Variants in DOT1L observed in about 807,000 individuals in gnomAD.
DOT1L encodes histone-lysine N-methyltransferase, H3 lysine-79 specific.
DOT1L carries 33 observed loss-of-function variants against 153.3 expected under a neutral mutation model. The ratio of observed to expected loss-of-function variants is 0.22; its 90% CI spans 0.16 to 0.29. The LOEUF (loss-of-function observed/expected upper bound fraction) is 0.29, where lower values mean the gene tolerates loss of function less well. DOT1L is among the 10% of genes least tolerant of loss of function. The pLI is 1.00. For synonymous variants in DOT1L, 1,135 were observed against 965.1 expected (o/e 1.18, Z -3.26); for missense variants, 1,847 against 2,119.9 (o/e 0.87, Z 2.53).
chr19:2,165,843 G>A (rs12610645), intron 1 of DOT1L, among the ~76,000 whole-genome samples: 69,668 of 149,690 alleles, frequency 0.47, 16,216 homozygotes, highest in African/African-American at 0.48. Flanking sequence ...ATCTCGGCTC[G>A]CTGCAAGCTC....
chr19:2,218,917 G>A (rs1351751206), intron 22 of DOT1L, among the ~76,000 whole-genome samples: 1 of 152,030 alleles, frequency 6.6e-6, no homozygotes, highest in Non-Finnish European at 1.5e-5. Context: ...AGGCTGGAGG[G>A]CAGTGGCACG....
At chr19:2,212,774 G>A (rs2023760055) in intron 16 of DOT1L, 1 of 152,276 alleles carries the variant, frequency 6.6e-6, no homozygotes, top group African/African-American at 2.4e-5. Flanking sequence ...AAGGCAGTTT[G>A]TCCTGGAAAT....
chr19:2,168,563 T>C (rs1342926511), intron 1 of DOT1L, among the ~76,000 whole-genome samples: 1 of 152,146 alleles, frequency 6.6e-6, no homozygotes, highest in Non-Finnish European at 1.5e-5. Context: ...GAGATTTTTA[T>C]TCTTACATGA....
intron 1 of DOT1L, among the ~76,000 whole-genome samples, chr19:2,166,684 T>C (rs1478512758): frequency 6.6e-6 from 1 of 152,248 alleles, no homozygotes; most frequent in Non-Finnish European, 1.5e-5. Flanking sequence ...GTGCCGGGAT[T>C]ACAGGGGTGA....
Position 2,225,511 on chromosome 19 carries a change from T to C in DOT1L, c.3661+59T>C. The C allele has an allele frequency of 1.9e-6, 3 of 1,567,534 alleles. No individual in the cohort carries two copies. The Admixed American group carries it at 5.0e-5, about 26-fold the overall frequency. ...CTGTCCGTGTGGCCGTGGTGCCCAG[T>C]CAGTGCTGCTGACCCACCTGCTGGC... On this transcript the variant is annotated intron_variant, in intron 26 of 27. Transcript: ENST00000398665.
rs746086474 is a variant in DOT1L at position 2,214,614 on chromosome 19, C to T, written c.1923+18C>T. 2 of 1,609,238 alleles carry T rather than the reference C, an allele frequency of 1.2e-6. No individual in the cohort carries two copies. The highest frequency in any genetic ancestry group is 1.7e-6 in the Non-Finnish European group (2 of 1,178,154). ...AGCTGCAGGTGGGCTGCGCGCGAGG[C>T]TGCACTCCGTGGTGTCCGAGCCTCT... On this transcript the variant is annotated intron_variant, in intron 19 of 27. Transcript: ENST00000398665.
chr19:2,200,889 A>G (rs1208399848), intron 8 of DOT1L, among the ~76,000 whole-genome samples: 1 of 134,536 alleles, frequency 7.4e-6, no homozygotes, highest in African/African-American at 2.9e-5. Flanking sequence ...TCCTCCCCGC[A>G]TTCTTCATCC....
At position 2,226,541 on chromosome 19, in the gene DOT1L, G is replaced by C. The variant is rs377317999; in HGVS notation, c.4020G>C (p.Lys1340Asn). 1 of 1,600,694 alleles carries C rather than the reference G, an allele frequency of 6.2e-7. No individual in the cohort carries two copies. Among genetic ancestry groups the C allele is most frequent in the Non-Finnish European group, 8.5e-7 (1 of 1,179,520 alleles). The stretch of plus-strand genomic sequence containing the variant: ...GTGATGGTGCTTCTCTTCCCCACAA[G>C]GGCCCCGAGGCGGCCGGCCTGAGCT... ...SFSDGASLPHKGPEAAGLSSP... is the reference protein window; with the variant it reads ...SFSDGASLPHNGPEAAGLSSP... Residue 1340 changes from lysine to asparagine, a missense_variant, in exon 27 of 28, where the codon AAG becomes AAC. Transcript: ENST00000398665.
intron 22 of DOT1L, 95 bp downstream of exon 22, chr19:2,218,013 T>C (rs563467229): frequency 1.3e-6 from 2 of 1,502,194 alleles, no homozygotes; most frequent in African/African-American, 2.7e-5. Flanking sequence ...AGTCTCACGC[T>C]GTAAAATGTC....
intron 1 of DOT1L, among the ~76,000 whole-genome samples, chr19:2,172,976 CAAA>C (rs35030730): frequency 8.0e-6 from 1 of 124,328 alleles, no homozygotes; most frequent in Non-Finnish European, 1.8e-5. Flanking sequence ...GACTCCATCT[CAAA>C]AAAAAAAAAA....
At chr19:2,200,642 C>CCATCCTCCCTGCTCCCCT (rs2023217836) in intron 8 of DOT1L, among the ~76,000 whole-genome samples, 1 of 152,142 alleles carries the variant, frequency 6.6e-6, no homozygotes, top group African/African-American at 2.4e-5. Flanking sequence ...CCCAGTCCCG[C>CCATCCTCCCTGCTCCCCT]CATCCTCCCT....
chr19:2,214,447 A>G lies in DOT1L; in HGVS notation c.1798-24A>G, dbSNP rs372302470. ...CTGGGCAGGCAGCCAGCCAGTCGCA[A>G]CTGTCCCATCCCTATCCCCTCAGCT... is the stretch of plus-strand genomic sequence containing the variant. On this transcript the variant is annotated intron_variant, in intron 18 of 27. Transcript: ENST00000398665. The G allele has an allele frequency of 3.1e-6, 5 of 1,610,444 alleles. No individual in the cohort carries two copies. In the African/African-American group the frequency reaches 5.3e-5, roughly 17 times the overall value.
At chr19:2,203,060 T>TACGG (rs2023355836) in intron 9 of DOT1L, among the ~76,000 whole-genome samples, 1 of 152,172 alleles carries the variant, frequency 6.6e-6, no homozygotes, top group Admixed American at 6.5e-5. Flanking sequence ...TAGCTGGGAC[T>TACGG]ACGGGTCTGT....
intron 8 of DOT1L, among the ~76,000 whole-genome samples, chr19:2,200,521 C>G (rs1036890353): frequency 6.6e-6 from 1 of 152,208 alleles, no homozygotes; most frequent in African/African-American, 2.4e-5. Context: ...TTCCACTGCC[C>G]AGCCTGGGTG....
Position 2,227,068 on chromosome 19 carries a change from G to C in DOT1L, c.4547G>C (p.Arg1516Thr). ...GTGCACGTGTCGTCCGCTGCCACCA[G>C]ACTGACCAACTCGCACGCCATGGGC... Reference protein sequence around the residue: ...GLVHVSSAATRLTNSHAMGSF... With the variant: ...GLVHVSSAATTLTNSHAMGSF... The change falls in exon 27 of 28, where the codon AGA (arginine) becomes ACA (threonine). Residue 1516 changes from arginine (R) to threonine (T), a missense_variant. Physicochemically the swap from Arg to Thr is moderately conservative, Grantham distance 71. Around this residue, in one of 8 missense-constraint regions of DOT1L, gnomAD observed 934 missense variants for 825.3 expected, o/e 1.13. Transcript: ENST00000398665. The C allele has an allele frequency of 1.3e-6, 2 of 1,571,458 alleles. No individual in the cohort carries two copies. Among genetic ancestry groups the C allele is most frequent in the Non-Finnish European group, 1.7e-6 (2 of 1,163,850 alleles).
chr19:2,184,869 T>C (rs1244467407), intron 2 of DOT1L, among the ~76,000 whole-genome samples: 1 of 152,204 alleles, frequency 6.6e-6, no homozygotes, highest in Non-Finnish European at 1.5e-5. Context: ...CGCTGCGGTT[T>C]CCTCACGTTT....
chr19:2,194,311 C>T (rs1351798744), intron 6 of DOT1L, among the ~76,000 whole-genome samples: 1 of 152,184 alleles, frequency 6.6e-6, no homozygotes, highest in African/African-American at 2.4e-5. Context: ...GCTGGGACTA[C>T]AGGCGCCCCC....
intron 16 of DOT1L, chr19:2,213,249 T>G: frequency 5.8e-6 from 2 of 347,434 alleles, no homozygotes; most frequent in Non-Finnish European, 5.4e-6. Flanking sequence ...CTCCTTGGCA[T>G]TGGCCGGCCT....
intron 1 of DOT1L, among the ~76,000 whole-genome samples, chr19:2,165,968 C>T (rs1419334776): frequency 1.3e-5 from 2 of 151,988 alleles, no homozygotes; most frequent in East Asian, 1.9e-4. Context: ...GACGGGGTTT[C>T]ACCGTGTTAG....
Sources: allele counts gnomAD v4.1 joint callset (sites outside exome capture counted in the v4.1 genomes callset), GRCh38; gene constraint gnomAD v4.1.1; regional missense constraint gnomAD v4.1.1; transcripts MANE v1.5; gene names NCBI Gene and HGNC (gene_info 2026-07-23, HGNC 2026-07-21).